Variants in STK24 observed in about 807,000 individuals in gnomAD.
STK24 encodes the protein serine/threonine-protein kinase 24.
A neutral mutation model predicts 55.6 loss-of-function variants in STK24; 21 were observed. That is an observed-to-expected ratio of 0.38 (90% confidence interval 0.27 to 0.54). The LOEUF is 0.54. Among genes scored for constraint, STK24 ranks in the 20% least tolerant of loss-of-function variants. The pLI is 0.79. For missense variants in STK24, 383 were observed against 538.4 expected, an observed-to-expected ratio of 0.71 and a Z score of 2.86; for synonymous variants, 200 against 215.2, an observed-to-expected ratio of 0.93 and a Z score of 0.62.
intron 1 of STK24, among the ~76,000 whole-genome samples, chr13:98,562,266 G>A (rs995802236): frequency 6.6e-6 from 1 of 152,144 alleles, no homozygotes; most frequent in African/African-American, 2.4e-5. Context: ...TAACGGAGAT[G>A]GAGTGAAGAT....
At chr13:98,502,430 A>G (rs527714922) in intron 2 of STK24, among the ~76,000 whole-genome samples, 3 of 152,320 alleles carry the variant, frequency 2.0e-5, no homozygotes, top group Non-Finnish European at 2.9e-5. Context: ...AATGACTTCC[A>G]CAGTCATAAT....
At chr13:98,536,613 C>A (rs1896742710) in intron 1 of STK24, among the ~76,000 whole-genome samples, 1 of 152,034 alleles carries the variant, frequency 6.6e-6, no homozygotes, top group African/African-American at 2.4e-5. Context: ...ATCCTCTCAC[C>A]CCGACCTCCC....
At chr13:98,500,349 G>T (rs1353064836) in intron 2 of STK24, among the ~76,000 whole-genome samples, 2 of 152,142 alleles carry the variant, frequency 1.3e-5, no homozygotes, top group Non-Finnish European at 2.9e-5. Flanking sequence ...AAGTGTGTTG[G>T]CTGGAGAAGC....
At chr13:98,497,489 G>C (rs1895291141) in intron 2 of STK24, among the ~76,000 whole-genome samples, 2 of 152,196 alleles carry the variant, frequency 1.3e-5, no homozygotes, top group Admixed American at 6.5e-5. Context: ...CGATGCCCTA[G>C]TGAAAACCAG....
chr13:98,456,906 C>T, intron 10 of STK24: 1 of 551,688 alleles, frequency 1.8e-6, no homozygotes, highest in Non-Finnish European at 3.2e-6. Flanking sequence ...GGTATTTCAC[C>T]ACCACCCTGT....
chr13:98,454,869 A>G (rs1205096676), intron 10 of STK24: 1 of 152,250 alleles, frequency 6.6e-6, no homozygotes, highest in African/African-American at 2.4e-5. Context: ...AGGAGGAAAG[A>G]GGGCACTCCT....
In STK24 at chr13:98,450,839, T is replaced by C. The variant is rs974633193; in HGVS notation, c.*2334A>G. 2.6e-5 allele frequency: 4 copies of C among 152,262 alleles called. No individual in the cohort carries two copies. The East Asian group carries it at 5.8e-4, about 22-fold the overall frequency. The allele number at this position is 152,262 out of a possible 1,614,324, so 9.4% of individuals were successfully genotyped here. On this transcript the variant is annotated 3_prime_UTR_variant, in exon 11 of 11. Transcript: ENST00000539966. ...CAAAAGCCAGCTTCCTTGGCTAAGA[T>C]GCCCTTAAAAACATTGGGGCTGATT...
intron 1 of STK24, among the ~76,000 whole-genome samples, chr13:98,551,750 T>C (rs141897961): frequency 9.2e-4 from 140 of 152,346 alleles, no homozygotes; most frequent in Non-Finnish European, 1.6e-3. Flanking sequence ...TGCTGGAATG[T>C]CTGCCCGAAG....
intron 1 of STK24, among the ~76,000 whole-genome samples, chr13:98,524,479 G>C (rs528966398): frequency 2.6e-4 from 40 of 152,198 alleles, no homozygotes; most frequent in Non-Finnish European, 4.0e-4. Context: ...CTAGACCTGG[G>C]GCGAGACACG....
intron 1 of STK24, among the ~76,000 whole-genome samples, chr13:98,566,504 C>T (rs1897574681): frequency 2.0e-5 from 3 of 152,338 alleles, no homozygotes; most frequent in South Asian, 4.1e-4. Context: ...TCATAAGCCT[C>T]GGTTTTCTCA....
intron 1 of STK24, among the ~76,000 whole-genome samples, chr13:98,531,801 T>C (rs111326122): frequency 1.8e-3 from 267 of 152,254 alleles, no homozygotes; most frequent in African/African-American, 5.8e-3. Context: ...CAACGATGCC[T>C]ATCGTCCCCA....
intron 5 of STK24, among the ~76,000 whole-genome samples, chr13:98,474,030 G>A (rs189707476): frequency 9.2e-5 from 14 of 152,298 alleles, no homozygotes; most frequent in African/African-American, 3.1e-4. Flanking sequence ...CCAATTCTCC[G>A]TGGATCATGT....
intron 10 of STK24, 62 bp from the exon 11 acceptor site, chr13:98,453,271 C>A (rs1893286749): frequency 1.3e-6 from 2 of 1,518,806 alleles, no homozygotes; most frequent in African/African-American, 2.8e-5. Context: ...TGCAAAAATT[C>A]ATATAGTAAC....
rs1893132451 is a variant in STK24 at position 98,450,426 on chromosome 13, T to A, written c.*2747A>T. On this transcript the variant is annotated 3_prime_UTR_variant, in exon 11 of 11. Coordinates refer to ENST00000539966, the MANE Select transcript of STK24 (RefSeq NM_001032296.4). ...CAAACCAGCCACTTCACAAGAGCAA[T>A]GCAGGGATAAAACTATTGGATAAGG... The A allele has an allele frequency of 6.6e-6, 1 of 151,038 alleles. No individual in the cohort carries two copies. Among genetic ancestry groups the A allele is most frequent in the Non-Finnish European group, 1.5e-5 (1 of 67,290 alleles). 9.4% of individuals were successfully genotyped at this position (151,038 alleles called of 1,614,324 possible).
rs78700370 is a variant in STK24 at position 98,453,527 on chromosome 13, A to G, written c.1260-318T>C. The G allele has an allele frequency of 3.4e-3, 984 of 289,368 alleles. 10 individuals carry two copies. Among genetic ancestry groups the G allele is most frequent in the African/African-American group, 0.02 (909 of 44,946 alleles). The allele number at this position is 289,368 out of a possible 1,614,324, so 17.9% of individuals were successfully genotyped here. A position where few individuals can be genotyped will look rare whatever the true frequency, so the allele number is the denominator to read the frequency against. ...ATTGTCAAAAAGTGAACATTGATCCATACATGATGACACAGTAAGATTCCA... is the reference window on the plus strand; with the variant it reads ...ATTGTCAAAAAGTGAACATTGATCCGTACATGATGACACAGTAAGATTCCA... On this transcript the variant is annotated intron_variant, in intron 10 of 10. Coordinates refer to ENST00000539966, the MANE Select transcript of STK24 (RefSeq NM_001032296.4).
intron 2 of STK24, among the ~76,000 whole-genome samples, chr13:98,497,825 G>A: frequency 6.6e-6 from 1 of 152,146 alleles, no homozygotes; most frequent in East Asian, 1.9e-4. Flanking sequence ...AAAACAACAG[G>A]GTACAGCGTC....
intron 3 of STK24, among the ~76,000 whole-genome samples, chr13:98,476,892 C>T (rs953711510): frequency 2.1e-4 from 32 of 152,248 alleles, no homozygotes; most frequent in Admixed American, 1.8e-3. Flanking sequence ...ACCTGGAATC[C>T]AGCCACCCCT....
chr13:98,565,483 T>C (rs547512576), intron 1 of STK24, among the ~76,000 whole-genome samples: 180 of 152,106 alleles, frequency 1.2e-3, no homozygotes, highest in Middle Eastern at 3.4e-3. Flanking sequence ...AATACAAAAA[T>C]TAGCCTGGTG....
At chr13:98,504,724 A>C (rs894858229) in intron 2 of STK24, among the ~76,000 whole-genome samples, 6 of 152,120 alleles carry the variant, frequency 3.9e-5, no homozygotes, top group Non-Finnish European at 7.4e-5. Context: ...CTTTCTCTCC[A>C]TTCATTTCTA....
Sources: gnomAD v4.1 joint callset for allele counts (sites outside exome capture counted in the v4.1 genomes callset) on GRCh38, gnomAD v4.1.1 for gene constraint, MANE v1.5 for transcripts, NCBI Gene and HGNC (gene_info 2026-07-23, HGNC 2026-07-21) for gene names.